Variants in CHCHD3 observed in about 807,000 individuals in gnomAD.
CHCHD3 encodes coiled-coil-helix-coiled-coil-helix domain containing 3, also known as MICOS complex subunit MIC19.
Under a neutral mutation model 38.2 loss-of-function variants are expected in CHCHD3, and 20 were observed. That is an observed-to-expected ratio of 0.52 (90% CI 0.37 to 0.76). CHCHD3 has a LOEUF of 0.76. Ranked by LOEUF, CHCHD3 falls within the 30% of genes least tolerant of loss-of-function variation. CHCHD3 has a pLI of 0.00. For synonymous variants in CHCHD3, 82 were observed against 100.0 expected (o/e 0.82, Z 1.07); for missense variants, 245 against 279.2 (o/e 0.88, Z 0.87).
intron 5 of CHCHD3, among the ~76,000 whole-genome samples, chr7:132,856,253 A>T (rs1808340254): frequency 6.6e-6 from 1 of 152,184 alleles, no homozygotes; most frequent in Non-Finnish European, 1.5e-5. Flanking sequence ...ATGAGAGACA[A>T]AGCATATGCG....
chr7:133,070,311 C>T, intron 1 of CHCHD3, 82 bp from the exon 2 acceptor site: 3 of 1,070,772 alleles, frequency 2.8e-6, no homozygotes, highest in Non-Finnish European at 4.2e-6. Context: ...GTAATTTAGT[C>T]ATCCATATCC....
At position 132,993,565 on chromosome 7, in the gene CHCHD3, G is replaced by A. The variant is rs997731929; in HGVS notation, c.252-18279C>T. ...GACCCCTTCTTTTTCATCTGCCTAC[G>A]CACCAGAGCTCAGGTCCCACTGTTG... On this transcript the variant is annotated intron_variant, in intron 3 of 7. Transcript: ENST00000262570. 2.6e-5 allele frequency among the ~76,000 whole-genome samples: 4 copies of A among 152,086 alleles called. No homozygotes were observed. The South Asian group carries it at 6.2e-4, about 24-fold the overall frequency.
rs2117470748 is a variant in CHCHD3, at chr7:133,035,898, G to A, written c.170-11271C>T. On this transcript the variant is annotated intron_variant, in intron 2 of 7. Coordinates refer to ENST00000262570, the MANE Select transcript of CHCHD3 (RefSeq NM_017812.4). The surrounding 1 kb of genome is among the most constrained non-coding windows in gnomAD (Gnocchi z 4.7). ...GAAGGCCCTCCAGTTTTCAGGATAC[G>A]TGTACAGGGTCCCAGCCGCCATGGT... is the stretch of plus-strand genomic sequence containing the variant. 38 of 1,609,484 alleles carry A rather than the reference G, an allele frequency of 2.4e-5. No individual in the cohort carries two copies. Among genetic ancestry groups the A allele is most frequent in the Non-Finnish European group, 3.1e-5 (37 of 1,176,564 alleles).
intron 4 of CHCHD3, among the ~76,000 whole-genome samples, chr7:132,900,866 C>G (rs536454625): frequency 9.1e-4 from 138 of 152,234 alleles, no homozygotes; most frequent in Middle Eastern, 3.4e-3. Context: ...TGGTGGGCAC[C>G]TGTGGTCCCA....
intron 6 of CHCHD3, among the ~76,000 whole-genome samples, chr7:132,832,705 T>C (rs1807679779): frequency 6.6e-6 from 1 of 152,232 alleles, no homozygotes; most frequent in Non-Finnish European, 1.5e-5. Context: ...TTTTCTATTT[T>C]AAAAACAATT....
chr7:132,900,802 C>T (rs369759168), intron 4 of CHCHD3, among the ~76,000 whole-genome samples: 1 of 152,196 alleles, frequency 6.6e-6, no homozygotes, highest in East Asian at 1.9e-4. Context: ...ACCGGCCTGA[C>T]CAATATGGTG....
At chr7:132,936,574 T>C (rs1944915790) in intron 4 of CHCHD3, among the ~76,000 whole-genome samples, 4 of 152,216 alleles carry the variant, frequency 2.6e-5, no homozygotes. Flanking sequence ...CATAAAAGTA[T>C]GCAGGACCTT....
At chr7:133,008,034 T>A (rs900403472) in intron 3 of CHCHD3, among the ~76,000 whole-genome samples, 5 of 152,194 alleles carry the variant, frequency 3.3e-5, no homozygotes, top group African/African-American at 1.2e-4. Flanking sequence ...GGGGAAATCA[T>A]CTGAATGAAG....
chr7:132,861,546 A>G (rs768713019), intron 5 of CHCHD3, among the ~76,000 whole-genome samples: 1 of 152,190 alleles, frequency 6.6e-6, no homozygotes, highest in Admixed American at 6.5e-5. Flanking sequence ...ATATGTCCAC[A>G]ATCAATTATC....
intron 6 of CHCHD3, among the ~76,000 whole-genome samples, chr7:132,830,333 C>T (rs1781619225): frequency 1.3e-5 from 2 of 152,218 alleles, no homozygotes; most frequent in African/African-American, 4.8e-5. Context: ...GGAGCTGGCA[C>T]TACCTTACAT....
chr7:133,031,178 T>G (rs1327279628), intron 2 of CHCHD3, among the ~76,000 whole-genome samples: 2 of 152,132 alleles, frequency 1.3e-5, no homozygotes. Context: ...TCAAAGAAAG[T>G]GTAACATAAG....
At chr7:133,081,384 G>A (rs1383945126) in intron 1 of CHCHD3, among the ~76,000 whole-genome samples, 2 of 151,618 alleles carry the variant, frequency 1.3e-5, no homozygotes, top group Admixed American at 6.6e-5. Context: ...GAGTGGGTGG[G>A]AGGAGGGGGT....
At chr7:132,980,524 TAGG>T (rs1811890774) in intron 3 of CHCHD3, among the ~76,000 whole-genome samples, 1 of 152,210 alleles carries the variant, frequency 6.6e-6, no homozygotes, top group African/African-American at 2.4e-5. Flanking sequence ...AGCAAAGAAG[TAGG>T]AGTTTAGTGT....
At chr7:133,010,689 G>A (rs571373228) in intron 3 of CHCHD3, among the ~76,000 whole-genome samples, 3 of 151,926 alleles carry the variant, frequency 2.0e-5, no homozygotes, top group Admixed American at 6.6e-5. Context: ...AGCGATTCTC[G>A]TGCCTCAGCC....
At chr7:132,786,989 A>G (rs1408750537) in intron 7 of CHCHD3, among the ~76,000 whole-genome samples, 1 of 152,160 alleles carries the variant, frequency 6.6e-6, no homozygotes, top group Non-Finnish European at 1.5e-5. Flanking sequence ...CTGTAGCTGG[A>G]GCGAGCAGGG....
chr7:132,911,514 CT>C lies in CHCHD3; in HGVS notation c.370-25770del, dbSNP rs577528938. 2.7e-3 allele frequency among the ~76,000 whole-genome samples: 407 copies of C among 152,330 alleles called. 4 individuals are homozygous for C. Among genetic ancestry groups the C allele is most frequent in the African/African-American group, 9.3e-3 (388 of 41,576 alleles). On this transcript the variant is annotated intron_variant, in intron 4 of 7. Transcript: ENST00000262570. ...AAAAAGGCCTAAGGGATTCAAATTA[CT>C]TTTCTTCCTTCCATAAAAGTCCTGT... is the stretch of plus-strand genomic sequence containing the variant.
At chr7:132,860,071 G>C (rs1808443726) in intron 5 of CHCHD3, among the ~76,000 whole-genome samples, 1 of 152,084 alleles carries the variant, frequency 6.6e-6, no homozygotes, top group Non-Finnish European at 1.5e-5. Context: ...GGGAGTTCAA[G>C]ACCAGCCTAG....
intron 5 of CHCHD3, among the ~76,000 whole-genome samples, chr7:132,864,340 C>T (rs1009812955): frequency 3.8e-4 from 58 of 152,076 alleles, no homozygotes; most frequent in African/African-American, 1.4e-3. Flanking sequence ...AGTCAGAACA[C>T]ACACGTAACA....
In CHCHD3 at chr7:132,974,451, T is replaced by C. The variant is rs192035298; in HGVS notation, c.369+718A>G. 1.6e-3 allele frequency among the ~76,000 whole-genome samples: 243 copies of C among 152,338 alleles called. 1 individual carries two copies. Among genetic ancestry groups the C allele is most frequent in the African/African-American group, 5.4e-3 (226 of 41,586 alleles). ...TCTTCCCTAAACCCCAGGCAGTGAT[T>C]GATCAAACCTTACTCACCTTTGCCA... On this transcript the variant is annotated intron_variant, in intron 4 of 7. Transcript: ENST00000262570.
Sources: gnomAD v4.1 joint callset for allele counts (sites outside exome capture counted in the v4.1 genomes callset) on GRCh38, gnomAD v4.1.1 for gene constraint, Gnocchi (gnomAD v3.1) non-coding constraint, MANE v1.5 for transcripts, NCBI Gene and HGNC (gene_info 2026-07-23, HGNC 2026-07-21) for gene names.